SORCS2: variants seen among roughly 807,000 people sequenced by gnomAD.
The protein encoded by SORCS2 is VPS10 domain-containing receptor SorCS2.
A neutral mutation model predicts 141.6 loss-of-function variants in SORCS2; 100 were observed. The observed-to-expected ratio is 0.71, with a 90% CI of 0.60 to 0.83. The LOEUF (loss-of-function observed/expected upper bound fraction) is 0.83. Among genes scored for constraint, SORCS2 ranks in the 40% least tolerant of loss-of-function variants. SORCS2 has a pLI of 0.00. For missense variants in SORCS2, 1,646 were observed against 1,560.2 expected (o/e 1.05, Z -0.93); for synonymous variants, 789 against 676.9 (o/e 1.17, Z -2.57).
At chr4:7,507,273 C>G (rs1024337759) in intron 2 of SORCS2, among the ~76,000 whole-genome samples, 5 of 152,142 alleles carry the variant, frequency 3.3e-5, no homozygotes, top group African/African-American at 1.2e-4. Flanking sequence ...CTCCTGGATT[C>G]AAGTGATTCC....
In SORCS2 at chr4:7,740,380, C is replaced by CTGGTGTGGCG; in HGVS notation, c.*116_*117insTGGTGTGGCG. 1.1e-6 allele frequency: 1 copy of CTGGTGTGGCG among 930,132 alleles called. No homozygotes were observed. The highest frequency in any genetic ancestry group is 1.7e-6 in the Non-Finnish European group (1 of 601,318). The allele number at this position is 930,132 out of a possible 1,614,324, so 57.6% of individuals were successfully genotyped here. A position where few individuals can be genotyped will look rare whatever the true frequency, so the allele number is the denominator to read the frequency against. On this transcript the variant is annotated 3_prime_UTR_variant, in exon 27 of 27. Coordinates refer to ENST00000507866, the MANE Select transcript of SORCS2 (RefSeq NM_020777.3). The stretch of plus-strand genomic sequence containing the variant: ...GAAAGCCCCCTCCCTGAGTCGTCGC[C>CTGGTGTGGCG]ACACCAGGCGACAGGCACCACCCCC...
At chr4:7,403,300 C>T (rs964552516) in intron 2 of SORCS2, among the ~76,000 whole-genome samples, 5 of 152,066 alleles carry the variant, frequency 3.3e-5, no homozygotes, top group Non-Finnish European at 7.4e-5. Context: ...TACTGGGACT[C>T]GAGCTGACAG....
intron 8 of SORCS2, among the ~76,000 whole-genome samples, chr4:7,670,816 G>T (rs112583145): frequency 0.014 from 2,103 of 152,276 alleles, 45 homozygotes; most frequent in African/African-American, 0.047. Context: ...AGGAGCGGGA[G>T]GGTGCAGGGG....
chr4:7,569,241 G>A (rs1715219106), intron 3 of SORCS2, among the ~76,000 whole-genome samples: 2 of 152,340 alleles, frequency 1.3e-5, no homozygotes, highest in Non-Finnish European at 2.9e-5. Context: ...GGCTGGGTGT[G>A]GTGGCTCATG....
At chr4:7,711,788 G>A (rs1255061886) in intron 14 of SORCS2, among the ~76,000 whole-genome samples, 2 of 152,212 alleles carry the variant, frequency 1.3e-5, no homozygotes, top group African/African-American at 4.8e-5. Context: ...TGTAAAACGG[G>A]CGGACCCGGC....
At chr4:7,690,084 A>T (rs1724127890) in intron 11 of SORCS2, among the ~76,000 whole-genome samples, 1 of 140,304 alleles carries the variant, frequency 7.1e-6, no homozygotes, top group African/African-American at 2.7e-5. Context: ...GAATGGATAG[A>T]TAGATGAATG....
intron 1 of SORCS2, among the ~76,000 whole-genome samples, chr4:7,322,796 T>G (rs1421676783): frequency 1.3e-5 from 2 of 152,072 alleles, no homozygotes; most frequent in African/African-American, 4.8e-5. Flanking sequence ...TCAAATGAGG[T>G]GCTGAGAGGA....
At chr4:7,446,703 C>T (rs957944641) in intron 2 of SORCS2, among the ~76,000 whole-genome samples, 8 of 152,144 alleles carry the variant, frequency 5.3e-5, no homozygotes, top group African/African-American at 1.4e-4. Context: ...CTGTTCCTGG[C>T]ATACAAGGGG....
At chr4:7,282,635 C>A (rs1715954507) in intron 1 of SORCS2, among the ~76,000 whole-genome samples, 1 of 152,182 alleles carries the variant, frequency 6.6e-6, no homozygotes, top group Admixed American at 6.5e-5. Flanking sequence ...GATAGCACAG[C>A]TGGTCTTTGG....
chr4:7,740,405 C>T lies in SORCS2; in HGVS notation c.*141C>T, dbSNP rs1712571437. 3 of 753,056 alleles carry T rather than the reference C, an allele frequency of 4.0e-6. No individual in the cohort carries two copies. The highest frequency in any genetic ancestry group is 6.6e-6 in the Non-Finnish European group (3 of 452,392). The allele number at this position is 753,056 out of a possible 1,614,324, so 46.6% of individuals were successfully genotyped here. A position where few individuals can be genotyped will look rare whatever the true frequency, so the allele number is the denominator to read the frequency against. ...CACACCAGGCGACAGGCACCACCCC[C>T]TCTGATAAATCCAAGCCCGCCCAGG... On this transcript the variant is annotated 3_prime_UTR_variant, in exon 27 of 27. Transcript: ENST00000507866.
At chr4:7,665,564 T>C (rs1177530053) in intron 7 of SORCS2, among the ~76,000 whole-genome samples, 2 of 152,134 alleles carry the variant, frequency 1.3e-5, no homozygotes, top group African/African-American at 2.4e-5. Flanking sequence ...CTGCCTCCAA[T>C]TCAGGGTCAC....
intron 2 of SORCS2, among the ~76,000 whole-genome samples, chr4:7,426,955 A>G (rs1726484863): frequency 6.6e-6 from 1 of 152,184 alleles, no homozygotes; most frequent in Non-Finnish European, 1.5e-5. Flanking sequence ...TGGGGCCCTG[A>G]GGACAGGCTT....
chr4:7,399,260 T>C (rs886669067), intron 2 of SORCS2, among the ~76,000 whole-genome samples: 1 of 151,798 alleles, frequency 6.6e-6, no homozygotes, highest in Non-Finnish European at 1.5e-5. Context: ...ACCCTCTGTC[T>C]GCATTTGAGG....
At chr4:7,300,466 C>T (rs954273104) in intron 1 of SORCS2, among the ~76,000 whole-genome samples, 1 of 152,204 alleles carries the variant, frequency 6.6e-6, no homozygotes, top group Non-Finnish European at 1.5e-5. Flanking sequence ...TGCTGAGCCT[C>T]TCCTGTGAAG....
rs78737766 is a variant in SORCS2, at chr4:7,209,290, C to T, written c.480+16164C>T. On this transcript the variant is annotated intron_variant, in intron 1 of 26. Transcript: ENST00000507866. ...CGTCTGTGAGGACTTGCTGCTGTGCCGCTCACCTTGGGCCTTGCTTGTCTT... is the reference window on the plus strand; with the variant it reads ...CGTCTGTGAGGACTTGCTGCTGTGCTGCTCACCTTGGGCCTTGCTTGTCTT... Among the ~76,000 whole-genome samples, 941 of 152,304 alleles carry T rather than the reference C, an allele frequency of 6.2e-3. 5 individuals carry two copies. Among genetic ancestry groups the T allele is most frequent in the African/African-American group, 0.021 (884 of 41,550 alleles).
chr4:7,689,758 A>G (rs78628629), intron 11 of SORCS2, among the ~76,000 whole-genome samples, 170 bp downstream of exon 11: 1 of 152,282 alleles, frequency 6.6e-6, no homozygotes, highest in African/African-American at 2.4e-5. Flanking sequence ...ATTCCGAGAA[A>G]TGAATGCATG....
intron 3 of SORCS2, among the ~76,000 whole-genome samples, chr4:7,581,768 G>C (rs1006308477): frequency 2.0e-5 from 3 of 152,180 alleles, no homozygotes; most frequent in African/African-American, 4.8e-5. Context: ...CTTGCTGCCA[G>C]AAACCCGTCC....
At chr4:7,639,527 G>T (rs1363830322) in intron 4 of SORCS2, among the ~76,000 whole-genome samples, 3 of 98,608 alleles carry the variant, frequency 3.0e-5, no homozygotes, top group African/African-American at 8.9e-5. Flanking sequence ...TTTGTGGGAT[G>T]TGGGGGGGTG....
intron 14 of SORCS2, among the ~76,000 whole-genome samples, chr4:7,705,280 C>T (rs1051908759): frequency 5.9e-5 from 9 of 152,184 alleles, no homozygotes; most frequent in African/African-American, 2.2e-4. Flanking sequence ...CCTCTAGAGC[C>T]TCTAGAGGGA....
Sources: gnomAD v4.1 joint callset for allele counts (sites outside exome capture counted in the v4.1 genomes callset) on GRCh38, gnomAD v4.1.1 for gene constraint, MANE v1.5 for transcripts, NCBI Gene and HGNC (gene_info 2026-07-23, HGNC 2026-07-21) for gene names.